EPB41: variants seen among roughly 807,000 people sequenced by gnomAD.
EPB41 encodes the protein protein 4.1.
A neutral mutation model predicts 108.0 loss-of-function variants in EPB41; 65 were observed. That is an observed-to-expected ratio of 0.60 (90% confidence interval 0.49 to 0.74). The LOEUF (loss-of-function observed/expected upper bound fraction) is 0.74. Among genes scored for constraint, EPB41 ranks in the 30% least tolerant of loss-of-function variants. EPB41 has a pLI of 0.00. For missense variants in EPB41, 875 were observed against 1,037.0 expected (o/e 0.84, Z 2.15); for synonymous variants, 336 against 358.9 (o/e 0.94, Z 0.72).
intron 2 of EPB41, among the ~76,000 whole-genome samples, chr1:28,993,083 T>C (rs1457236706): frequency 6.6e-6 from 1 of 152,172 alleles, no homozygotes; most frequent in African/African-American, 2.4e-5. Context: ...TGGATTGGTA[T>C]CCTCCGGTTT....
chr1:28,981,152 G>A (rs989730689), intron 1 of EPB41, among the ~76,000 whole-genome samples: 11 of 152,166 alleles, frequency 7.2e-5, no homozygotes, highest in Admixed American at 5.9e-4. Flanking sequence ...AAATAATTAC[G>A]TGCACAGTAG....
chr1:29,010,116 C>G (rs2096474985), intron 4 of EPB41, among the ~76,000 whole-genome samples: 1 of 152,062 alleles, frequency 6.6e-6, no homozygotes, highest in South Asian at 2.1e-4. Flanking sequence ...GTGGGCAGAT[C>G]ACTTGAGGCC....
chr1:28,985,050 C>T (rs551636982), intron 1 of EPB41, among the ~76,000 whole-genome samples: 30 of 152,090 alleles, frequency 2.0e-4, no homozygotes, highest in Middle Eastern at 3.4e-3. Context: ...CCACAACCTC[C>T]GCCTCCCAGT....
At chr1:29,084,658 T>G (rs1242572302) in intron 16 of EPB41, among the ~76,000 whole-genome samples, 1 of 152,218 alleles carries the variant, frequency 6.6e-6, no homozygotes, top group Non-Finnish European at 1.5e-5. Flanking sequence ...ATCTCTGACA[T>G]TTTAAAATAG....
At chr1:29,014,723 C>A (rs1014825024) in intron 5 of EPB41, among the ~76,000 whole-genome samples, 1 of 152,184 alleles carries the variant, frequency 6.6e-6, no homozygotes, top group South Asian at 2.1e-4. Context: ...ACCCACCACA[C>A]CTGGCTGGTC....
intron 1 of EPB41, among the ~76,000 whole-genome samples, chr1:28,906,702 T>C (rs1290136874): frequency 6.6e-6 from 1 of 152,144 alleles, no homozygotes; most frequent in African/African-American, 2.4e-5. Context: ...AAGCAGTACA[T>C]AGTAGAGGAC....
intron 17 of EPB41, among the ~76,000 whole-genome samples, chr1:29,106,564 A>AT (rs1187973613): frequency 0.03 from 1,543 of 50,742 alleles, 364 homozygotes; most frequent in Middle Eastern, 0.11. Flanking sequence ...AGTAGCTGGG[A>AT]TTTTTTTTTT....
chr1:28,978,009 G>GT lies in EPB41; in HGVS notation c.-7-9416dup, dbSNP rs570613689. Among the ~76,000 whole-genome samples the GT allele has an allele frequency of 2.9e-4, 41 of 143,558 alleles. No individual in the cohort carries two copies. In the East Asian group the frequency reaches 7.5e-3, roughly 26 times the overall value. The allele number at this position is 143,558 out of a possible 152,430, so 94.2% of individuals were successfully genotyped here. A position where few individuals can be genotyped will look rare whatever the true frequency, so the allele number is the denominator to read the frequency against. ...ACTCTCCTTAATCATTCATTTTTAT[G>GT]TTTTTTCTTGTATAGACTGAGTTGT... On this transcript the variant is annotated intron_variant, in intron 1 of 20. Transcript: ENST00000343067.
intron 15 of EPB41, among the ~76,000 whole-genome samples, chr1:29,062,135 G>A (rs1244887759): frequency 6.6e-6 from 1 of 152,148 alleles, no homozygotes; most frequent in African/African-American, 2.4e-5. Context: ...CTTGGCAACT[G>A]GATCTCTTTG....
intron 1 of EPB41, among the ~76,000 whole-genome samples, chr1:28,934,921 A>G (rs905793495): frequency 5.9e-5 from 9 of 151,752 alleles, no homozygotes; most frequent in Non-Finnish European, 1.0e-4. Flanking sequence ...TGCTTGAGTC[A>G]TGGACAACAT....
At chr1:29,047,896 G>A (rs988997534) in intron 11 of EPB41, among the ~76,000 whole-genome samples, 2 of 151,738 alleles carry the variant, frequency 1.3e-5, no homozygotes, top group Non-Finnish European at 2.9e-5. Flanking sequence ...CGATTCTCCC[G>A]CCTCAGCCTC....
chr1:28,904,776 G>A (rs2091632663), intron 1 of EPB41, among the ~76,000 whole-genome samples: 1 of 152,114 alleles, frequency 6.6e-6, no homozygotes, highest in South Asian at 2.1e-4. Flanking sequence ...GCTCATGCCT[G>A]TGATCCCAGC....
At chr1:29,029,164 C>T (rs2096758382) in intron 7 of EPB41, among the ~76,000 whole-genome samples, 1 of 151,876 alleles carries the variant, frequency 6.6e-6, no homozygotes, top group African/African-American at 2.4e-5. Context: ...TTAAAAACTA[C>T]AAAACTTTCC....
At chr1:28,977,720 A>T (rs2095640310) in intron 1 of EPB41, among the ~76,000 whole-genome samples, 1 of 152,048 alleles carries the variant, frequency 6.6e-6, no homozygotes, top group African/African-American at 2.4e-5. Context: ...TGACTTCTTT[A>T]TATCTTTTCC....
chr1:29,055,370 ACT>A (rs1325474330), intron 12 of EPB41, among the ~76,000 whole-genome samples: 1 of 152,010 alleles, frequency 6.6e-6, no homozygotes, highest in African/African-American at 2.4e-5. Flanking sequence ...CTTTCTGCTG[ACT>A]CACTTTTTCT....
At chr1:28,904,891 C>T (rs1037077811) in intron 1 of EPB41, among the ~76,000 whole-genome samples, 4 of 151,958 alleles carry the variant, frequency 2.6e-5, no homozygotes, top group Non-Finnish European at 5.9e-5. Flanking sequence ...ATTAGCTGGG[C>T]ATGGTGGGGG....
At chr1:29,107,283 T>A (rs1485672762) in intron 17 of EPB41, among the ~76,000 whole-genome samples, 1 of 152,174 alleles carries the variant, frequency 6.6e-6, no homozygotes, top group Non-Finnish European at 1.5e-5. Flanking sequence ...AGCTGGTTAC[T>A]GTCTGAGTGG....
chr1:28,987,371 T>A, intron 1 of EPB41, 60 bp from the exon 2 acceptor site: 1 of 1,458,586 alleles, frequency 6.9e-7, no homozygotes, highest in Non-Finnish European at 9.6e-7. Flanking sequence ...GTTTAGGGTT[T>A]TGCCAACAGT....
intron 16 of EPB41, among the ~76,000 whole-genome samples, chr1:29,084,230 A>G (rs1285359882): frequency 2.6e-5 from 4 of 152,160 alleles, no homozygotes; most frequent in South Asian, 2.1e-4. Flanking sequence ...TTCTCAATCT[A>G]TGTCAATCTT....
Sources: gnomAD v4.1 joint callset for allele counts (sites outside exome capture counted in the v4.1 genomes callset) on GRCh38, gnomAD v4.1.1 for gene constraint, MANE v1.5 for transcripts, NCBI Gene and HGNC (gene_info 2026-07-23, HGNC 2026-07-21) for gene names.